IRS1: variants seen among roughly 807,000 people sequenced by gnomAD.
The protein encoded by IRS1 is insulin receptor substrate 1.
In IRS1, 34 loss-of-function variants were observed where a neutral mutation model predicts 65.6. The ratio of observed to expected loss-of-function variants is 0.52; its 90% confidence interval spans 0.39 to 0.69. The LOEUF (loss-of-function observed/expected upper bound fraction) is 0.69, where lower values mean the gene tolerates loss of function less well. Ranked by LOEUF, IRS1 falls within the 30% of genes least tolerant of loss-of-function variation. The pLI is 0.00. For missense variants in IRS1, 1,641 were observed against 1,720.2 expected, an observed-to-expected ratio of 0.95 and a Z score of 0.81; for synonymous variants, 699 against 683.5, an observed-to-expected ratio of 1.02 and a Z score of -0.35.
chr2:226,736,258 G>C lies in IRS1; in HGVS notation c.*22-8C>G, dbSNP rs1023867865. 6.6e-6 allele frequency: 1 copy of C among 152,108 alleles called. No individual in the cohort carries two copies. Among genetic ancestry groups the C allele is most frequent in the Non-Finnish European group, 1.5e-5 (1 of 68,004 alleles). 9.4% of individuals were successfully genotyped at this position (152,108 alleles called of 1,614,324 possible). A position where few individuals can be genotyped will look rare whatever the true frequency, so the allele number is the denominator to read the frequency against. The stretch of plus-strand genomic sequence containing the variant: ...GTCATTTAGGTCTTCATTCTGAAAA[G>C]AAAAAGGAAAGAATTCAGCACCACA... On this transcript the variant is annotated splice_polypyrimidine_tract_variant and splice_region_variant and intron_variant, in intron 1 of 1. Transcript: ENST00000305123.
At position 226,797,747 on chromosome 2, in the gene IRS1, T is replaced by G. The variant is rs1290703945; in HGVS notation, c.992A>C (p.Asp331Ala). The change falls in exon 1 of 2, where the codon GAC becomes GCC. Residue 331 changes from aspartate to alanine, a missense_variant. Coordinates refer to ENST00000305123, the MANE Select transcript of IRS1 (RefSeq NM_005544.3). The surrounding 1 kb of genome is among the most constrained non-coding windows in gnomAD (Gnocchi z 8.1). Reference sequence around the variant, plus strand: ...TGGGCGGGACATGGTGCCTTCGCCGTCACTGGAGGCGCGGACACGGAAGGA... The same window carrying G: ...TGGGCGGGACATGGTGCCTTCGCCGGCACTGGAGGCGCGGACACGGAAGGA... ...PGSFRVRASS[D>A]GEGTMSRPAS... 2 of 1,595,714 alleles carry G rather than the reference T, an allele frequency of 1.3e-6. No individual in the cohort carries two copies. Among genetic ancestry groups the G allele is most frequent in the Non-Finnish European group, 1.7e-6 (2 of 1,176,628 alleles).
In IRS1 at chr2:226,741,624, A is replaced by T. The variant is rs548262904; in HGVS notation, c.*22-5374T>A. On this transcript the variant is annotated intron_variant, in intron 1 of 1. Coordinates refer to ENST00000305123, the MANE Select transcript of IRS1 (RefSeq NM_005544.3). ...TTCACACAATTACATTAAACTGCATACCCCTCCCTCCTACCACAATTCTTC... is the reference window on the plus strand; with the variant it reads ...TTCACACAATTACATTAAACTGCATTCCCCTCCCTCCTACCACAATTCTTC... 1.1e-4 allele frequency among the ~76,000 whole-genome samples: 17 copies of T among 151,798 alleles called. No homozygotes were observed. In the South Asian group the frequency reaches 1.9e-3, roughly 17 times the overall value.
chr2:226,793,004 A>G (rs1055825275), intron 1 of IRS1, among the ~76,000 whole-genome samples: 2 of 152,240 alleles, frequency 1.3e-5, no homozygotes, highest in African/African-American at 2.4e-5. Flanking sequence ...TTACTCCAGA[A>G]TTATTAGAAA....
chr2:226,746,785 C>CTTTTTTTTTTTTTTTT (rs1213711501), intron 1 of IRS1, among the ~76,000 whole-genome samples: 1 of 118,440 alleles, frequency 8.4e-6, no homozygotes, highest in Non-Finnish European at 1.8e-5. Context: ...TAGCAGCATT[C>CTTTTTTTTTTTTTTTT]TTTTTTTTTT....
chr2:226,791,937 G>A (rs993772207), intron 1 of IRS1, among the ~76,000 whole-genome samples: 2 of 152,144 alleles, frequency 1.3e-5, no homozygotes, highest in Admixed American at 6.5e-5. Flanking sequence ...GCTCGGAAGA[G>A]GGAGGAGAAG....
In IRS1 at chr2:226,796,877, G is replaced by A. The variant is rs913264132; in HGVS notation, c.1862C>T (p.Pro621Leu). 4.5e-6 allele frequency: 7 copies of A among 1,539,334 alleles called. No homozygotes were observed. Among genetic ancestry groups the A allele is most frequent in the Non-Finnish European group, 6.1e-6 (7 of 1,142,092 alleles). ...ACTGCCCTTTCGGCCACTGGGCACT[G>A]GGGCCACCCCTGGGGACATGGGCAT... ...GYMPMSPGVA[P>L]VPSGRKGSGD... is the part of the protein sequence containing the mutation. The change falls in exon 1 of 2, where the codon CCA becomes CTA. Residue 621 changes from proline (P) to leucine (L), a missense_variant. Coordinates refer to ENST00000305123, the MANE Select transcript of IRS1 (RefSeq NM_005544.3).
chr2:226,751,439 A>G (rs1179520420), intron 1 of IRS1, among the ~76,000 whole-genome samples: 2 of 151,684 alleles, frequency 1.3e-5, no homozygotes, highest in South Asian at 2.1e-4. Flanking sequence ...GCCTGCCACG[A>G]CGCCCAGCTA....
chr2:226,762,411 C>T (rs1306036790), intron 1 of IRS1, among the ~76,000 whole-genome samples: 3 of 151,170 alleles, frequency 2.0e-5, no homozygotes, highest in Non-Finnish European at 4.4e-5. Context: ...TAAGCTTTAC[C>T]TACCACAGGT....
Position 226,796,212 on chromosome 2 carries a change from G to T in IRS1, c.2527C>A (p.Arg843=). Residue 843 remains arginine (R), a synonymous_variant, in exon 1 of 2, where the codon CGA becomes AGA. Coordinates refer to ENST00000305123, the MANE Select transcript of IRS1 (RefSeq NM_005544.3). ...GTCTGAGCAGCTGTGTCCACCTTTCGAGGCAGATGGGGCTGCAGAACCTGA... is the reference window on the plus strand; with the variant it reads ...GTCTGAGCAGCTGTGTCCACCTTTCTAGGCAGATGGGGCTGCAGAACCTGA... ...HHQVLQPHLP[R]KVDTAAQTNS... is the part of the protein sequence containing the mutation. 2 of 1,613,346 alleles carry T rather than the reference G, an allele frequency of 1.2e-6. No homozygotes were observed. Among genetic ancestry groups the T allele is most frequent in the Non-Finnish European group, 1.7e-6 (2 of 1,179,756 alleles).
intron 1 of IRS1, among the ~76,000 whole-genome samples, chr2:226,790,581 T>C (rs891828015): frequency 7.2e-5 from 11 of 152,204 alleles, no homozygotes; most frequent in East Asian, 1.9e-4. Flanking sequence ...TTTTGGGTCA[T>C]AACATTTGCA....
Position 226,794,368 on chromosome 2 carries a change from C to A in IRS1, c.*21+621G>T, listed in dbSNP as rs1323921023. Among the ~76,000 whole-genome samples, 2 of 152,154 alleles carry A rather than the reference C, an allele frequency of 1.3e-5. No individual in the cohort carries two copies. ...ACCCATAATTACTTTCTTGAGAGAT[C>A]ACAAAATAGATAGGTACTTCTCTCT... On this transcript the variant is annotated intron_variant, in intron 1 of 1. Coordinates refer to ENST00000305123, the MANE Select transcript of IRS1 (RefSeq NM_005544.3). The surrounding 1 kb of genome is among the most constrained non-coding windows in gnomAD (Gnocchi z 4.1).
chr2:226,737,423 G>T (rs983282722), intron 1 of IRS1, among the ~76,000 whole-genome samples: 4 of 152,122 alleles, frequency 2.6e-5, no homozygotes, highest in East Asian at 1.9e-4. Context: ...TCTTTTACAG[G>T]TCCTTGTTTT....
At chr2:226,737,533 T>TG (rs1938352381) in intron 1 of IRS1, among the ~76,000 whole-genome samples, 1 of 152,206 alleles carries the variant, frequency 6.6e-6, no homozygotes, top group Non-Finnish European at 1.5e-5. Flanking sequence ...AATGAGTACG[T>TG]GGTTGCACTA....
intron 1 of IRS1, among the ~76,000 whole-genome samples, chr2:226,751,274 A>ATTTTTTTTTTTTTTT (rs35699614): frequency 2.6e-5 from 2 of 77,550 alleles, no homozygotes; most frequent in African/African-American, 5.2e-5. Flanking sequence ...CCACACGGGT[A>ATTTTTTTTTTTTTTT]TTTTTTTTTT....
rs141981661 is a variant in IRS1 at position 226,740,205 on chromosome 2, G to A, written c.*22-3955C>T. On this transcript the variant is annotated intron_variant, in intron 1 of 1. Coordinates refer to ENST00000305123, the MANE Select transcript of IRS1 (RefSeq NM_005544.3). ...TAACTTCTGAAGGCAGAAATACAATGCACCTGTCACGAGATTTAGTAGCAG... is the reference window on the plus strand; with the variant it reads ...TAACTTCTGAAGGCAGAAATACAATACACCTGTCACGAGATTTAGTAGCAG... Among the ~76,000 whole-genome samples, 61 of 152,278 alleles carry A rather than the reference G, an allele frequency of 4.0e-4. No individual in the cohort carries two copies. In the East Asian group the frequency reaches 0.011, roughly 27 times the overall value.
chr2:226,766,468 T>G (rs1370128883), intron 1 of IRS1, among the ~76,000 whole-genome samples: 1 of 151,768 alleles, frequency 6.6e-6, no homozygotes, highest in Non-Finnish European at 1.5e-5. Context: ...CAGCCAATCC[T>G]ATACTATTTT....
chr2:226,768,710 C>T (rs558712798), intron 1 of IRS1, among the ~76,000 whole-genome samples: 15 of 152,262 alleles, frequency 9.9e-5, no homozygotes, highest in African/African-American at 3.6e-4. Flanking sequence ...TATCTCGGCT[C>T]GCTGCAACCC....
chr2:226,760,616 C>G (rs1227148891), intron 1 of IRS1, among the ~76,000 whole-genome samples: 4 of 152,114 alleles, frequency 2.6e-5, no homozygotes, highest in Non-Finnish European at 5.9e-5. Context: ...AAACCCTCAA[C>G]CCCACCCCCC....
rs374471017 is a variant in IRS1, at chr2:226,797,901, T to C, written c.838A>G (p.Ile280Val). 8 of 1,612,226 alleles carry C rather than the reference T, an allele frequency of 5.0e-6. No individual in the cohort carries two copies. The highest frequency in any genetic ancestry group is 1.3e-5 in the African/African-American group (1 of 74,870). ...TGGTGCCGGCGCAGGGGGACGCTGATGGGGTTAGAGCAGTTGGACGAGGAC... is the reference window on the plus strand; with the variant it reads ...TGGTGCCGGCGCAGGGGGACGCTGACGGGGTTAGAGCAGTTGGACGAGGAC... ...SQSSSNCSNPISVPLRRHHLN... is the reference protein window; with the variant it reads ...SQSSSNCSNPVSVPLRRHHLN... Residue 280 changes from isoleucine (I) to valine (V), a missense_variant, in exon 1 of 2, where the codon ATC (isoleucine) becomes GTC (valine). Ile to Val is a conservative substitution (Grantham distance 29, BLOSUM62 3). Coordinates refer to ENST00000305123, the MANE Select transcript of IRS1 (RefSeq NM_005544.3). This position sits in a 1 kb window ranked among gnomAD's most constrained non-coding sequence, Gnocchi z 8.1.
Sources: gnomAD v4.1 joint callset for allele counts (sites outside exome capture counted in the v4.1 genomes callset) on GRCh38, gnomAD v4.1.1 for gene constraint, Gnocchi (gnomAD v3.1) non-coding constraint, MANE v1.5 for transcripts, NCBI Gene and HGNC (gene_info 2026-07-23, HGNC 2026-07-21) for gene names.